SGCZ: variants seen among roughly 807,000 people sequenced by gnomAD.
The protein encoded by SGCZ is sarcoglycan zeta.
SGCZ carries 40 observed loss-of-function variants against 41.3 expected under a neutral mutation model. That is an observed-to-expected ratio of 0.97 (90% confidence interval 0.75 to 1.26). SGCZ has a LOEUF of 1.26. SGCZ is among the 50% of genes most tolerant of loss of function. SGCZ has a pLI of 0.00. For synonymous variants in SGCZ, 206 were observed against 137.5 expected (o/e 1.50, Z -3.49); for missense variants, 552 against 369.8 (o/e 1.49, Z -4.04).
chr8:14,668,749 C>T (rs1181293124), intron 1 of SGCZ, among the ~76,000 whole-genome samples: 1 of 152,112 alleles, frequency 6.6e-6, no homozygotes, highest in Non-Finnish European at 1.5e-5. Flanking sequence ...AGTGAAAATG[C>T]CAACATCATG....
At chr8:14,341,168 G>A (rs1348785761) in intron 2 of SGCZ, among the ~76,000 whole-genome samples, 4 of 152,108 alleles carry the variant, frequency 2.6e-5, no homozygotes, top group African/African-American at 9.6e-5. Context: ...TTATGTATTT[G>A]TTTATCTGTC....
intron 2 of SGCZ, among the ~76,000 whole-genome samples, chr8:14,540,009 G>A (rs1275279465): frequency 6.6e-6 from 1 of 151,890 alleles, no homozygotes; most frequent in Non-Finnish European, 1.5e-5. Flanking sequence ...AATTTAAGAA[G>A]CCTGACAAGG....
At chr8:14,663,306 G>A (rs12216811) in intron 1 of SGCZ, among the ~76,000 whole-genome samples, 60,853 of 151,960 alleles carry the variant, frequency 0.4, 16,251 homozygotes, top group African/African-American at 0.77. Flanking sequence ...CTCTTTTTAC[G>A]TATTTTTCTT....
intron 2 of SGCZ, among the ~76,000 whole-genome samples, chr8:14,535,594 T>C (rs1228722120): frequency 6.6e-6 from 1 of 151,962 alleles, no homozygotes; most frequent in Non-Finnish European, 1.5e-5. Context: ...TCTTTTGCAG[T>C]GTTAAGCCTT....
chr8:15,032,728 T>G (rs981120815), intron 1 of SGCZ, among the ~76,000 whole-genome samples: 5 of 152,144 alleles, frequency 3.3e-5, no homozygotes, highest in Non-Finnish European at 5.9e-5. Flanking sequence ...GAACTACCCT[T>G]GGCACTACTT....
intron 2 of SGCZ, among the ~76,000 whole-genome samples, chr8:14,489,347 G>T (rs951437655): frequency 1.3e-5 from 2 of 149,776 alleles, no homozygotes; most frequent in South Asian, 2.2e-4. Context: ...CACAGAATAG[G>T]GTCTTCAAAA....
At chr8:15,083,893 A>G (rs932183408) in intron 1 of SGCZ, among the ~76,000 whole-genome samples, 4 of 152,044 alleles carry the variant, frequency 2.6e-5, no homozygotes, top group African/African-American at 9.7e-5. Flanking sequence ...CAAGAACTTG[A>G]TTGTTTTAAA....
In SGCZ at chr8:14,124,802, T is replaced by C. The variant is rs141418764; in HGVS notation, c.548-16567A>G. Among the ~76,000 whole-genome samples the C allele has an allele frequency of 6.7e-3, 1,027 of 152,254 alleles. 15 individuals carry two copies. Among genetic ancestry groups the C allele is most frequent in the African/African-American group, 0.024 (995 of 41,546 alleles). ...TGAAATAACCTAGCTACAAAATAAA[T>C]TGGATCCTAAAAGCCCATCTTCTTC... On this transcript the variant is annotated intron_variant, in intron 5 of 7. Transcript: ENST00000382080.
intron 1 of SGCZ, among the ~76,000 whole-genome samples, chr8:15,043,811 G>C (rs1262882251): frequency 2.6e-5 from 4 of 152,042 alleles, no homozygotes; most frequent in African/African-American, 9.7e-5. Flanking sequence ...GTTTTCCTAA[G>C]TTTCAGTAAA....
At chr8:14,464,031 T>C (rs1800977493) in intron 2 of SGCZ, among the ~76,000 whole-genome samples, 1 of 151,688 alleles carries the variant, frequency 6.6e-6, no homozygotes, top group African/African-American at 2.4e-5. Flanking sequence ...TAGTATTTTG[T>C]TGTGGAGCTT....
At position 14,451,227 on chromosome 8, in the gene SGCZ, T is replaced by C. The variant is rs570337085; in HGVS notation, c.234+103505A>G. Among the ~76,000 whole-genome samples the C allele has an allele frequency of 2.6e-5, 4 of 152,316 alleles. No homozygotes were observed. The East Asian group carries it at 7.7e-4, about 29-fold the overall frequency. ...GTGATGAAAACAAAAATAGACTCTG[T>C]AGGAAATGTAGCTACCTTTATGTTC... On this transcript the variant is annotated intron_variant, in intron 2 of 7. Transcript: ENST00000382080.
chr8:14,900,984 C>A (rs1260702903), intron 1 of SGCZ, among the ~76,000 whole-genome samples: 1 of 152,122 alleles, frequency 6.6e-6, no homozygotes, highest in Non-Finnish European at 1.5e-5. Flanking sequence ...CTAGATAGCT[C>A]AGGCTTTGAG....
At chr8:14,434,813 C>T (rs1800042412) in intron 2 of SGCZ, among the ~76,000 whole-genome samples, 1 of 152,062 alleles carries the variant, frequency 6.6e-6, no homozygotes, top group Admixed American at 6.5e-5. Flanking sequence ...CCTGCAGTCC[C>T]AGCTACTATG....
intron 1 of SGCZ, among the ~76,000 whole-genome samples, chr8:14,572,525 T>C (rs1230810983): frequency 6.6e-6 from 1 of 152,180 alleles, no homozygotes; most frequent in East Asian, 1.9e-4. Context: ...TTATTATCCC[T>C]TTTTTATAAA....
intron 1 of SGCZ, among the ~76,000 whole-genome samples, chr8:15,131,705 C>G (rs1288364168): frequency 6.6e-6 from 1 of 152,154 alleles, no homozygotes; most frequent in Non-Finnish European, 1.5e-5. Flanking sequence ...GTTATTGAGT[C>G]CCCTAATAGC....
chr8:14,450,911 G>A (rs576925552), intron 2 of SGCZ, among the ~76,000 whole-genome samples: 1 of 152,214 alleles, frequency 6.6e-6, no homozygotes, highest in East Asian at 1.9e-4. Flanking sequence ...AACATCCACT[G>A]AAATCATCTT....
At chr8:14,355,793 G>A (rs1307731039) in intron 2 of SGCZ, among the ~76,000 whole-genome samples, 1 of 151,900 alleles carries the variant, frequency 6.6e-6, no homozygotes, top group Non-Finnish European at 1.5e-5. Context: ...AAGGAAATAG[G>A]CATATTAAAT....
chr8:14,517,482 G>C (rs978630912), intron 2 of SGCZ, among the ~76,000 whole-genome samples: 2 of 152,040 alleles, frequency 1.3e-5, no homozygotes, highest in African/African-American at 4.8e-5. Context: ...GTAAGGTAGA[G>C]TCATTTTAAC....
intron 3 of SGCZ, among the ~76,000 whole-genome samples, chr8:14,308,619 A>G (rs946500229): frequency 6.6e-6 from 1 of 152,028 alleles, no homozygotes; most frequent in African/African-American, 2.4e-5. Flanking sequence ...ACGTCTAAAA[A>G]AAATTTATAA....
Sources: gnomAD v4.1 joint callset for allele counts (sites outside exome capture counted in the v4.1 genomes callset) on GRCh38, gnomAD v4.1.1 for gene constraint, MANE v1.5 for transcripts, NCBI Gene and HGNC (gene_info 2026-07-23, HGNC 2026-07-21) for gene names.